The following SUPT20H variants were observed in gnomAD, a reference collection of about 807,000 sequenced individuals.
SUPT20H encodes the protein SPT20 homolog, SAGA complex component.
SUPT20H carries 82 observed loss-of-function variants against 122.8 expected under a neutral mutation model. The observed-to-expected ratio is 0.67, with a 90% CI of 0.56 to 0.80. The LOEUF (loss-of-function observed/expected upper bound fraction) is 0.80, where lower values mean the gene tolerates loss of function less well. Among genes scored for constraint, SUPT20H ranks in the 30% least tolerant of loss-of-function variants. The pLI is 0.00. For synonymous variants in SUPT20H, 291 were observed against 313.0 expected, an observed-to-expected ratio of 0.93 and a Z score of 0.74; for missense variants, 831 against 921.6, an observed-to-expected ratio of 0.90 and a Z score of 1.27.
Position 37,026,829 on chromosome 13 carries a change from A to G in SUPT20H, c.1152-13T>C. 7.0e-7 allele frequency: 1 copy of G among 1,423,584 alleles called. No individual in the cohort carries two copies. The highest frequency in any genetic ancestry group is 9.3e-7 in the Non-Finnish European group (1 of 1,076,122). The allele number at this position is 1,423,584 out of a possible 1,614,324, so 88.2% of individuals were successfully genotyped here. ...ATCTGTGGACGAGCTGAAATATAAA[A>G]TGTAAAAAAAAGCTTAGTTAATGCA... On this transcript the variant is annotated splice_polypyrimidine_tract_variant and intron_variant, in intron 14 of 25. Coordinates refer to ENST00000350612, the MANE Select transcript of SUPT20H (RefSeq NM_001014286.3).
chr13:37,020,597 G>A (rs1163565106), intron 21 of SUPT20H, among the ~76,000 whole-genome samples: 2 of 152,038 alleles, frequency 1.3e-5, no homozygotes, highest in South Asian at 4.1e-4. Context: ...AGGACTTCTC[G>A]CACTAAGGCA....
At chr13:37,050,973 T>C (rs1594534570) in intron 2 of SUPT20H, among the ~76,000 whole-genome samples, 1 of 152,318 alleles carries the variant, frequency 6.6e-6, no homozygotes, top group Non-Finnish European at 1.5e-5. Flanking sequence ...CCTTAGTCTG[T>C]CATTTCTTAA....
In SUPT20H at chr13:37,022,378, AAG is replaced by A; in HGVS notation, c.1592-300_1592-299del. Reference sequence around the variant, plus strand: ...TATAAATGGCCAGTCCTTTTAAAATAAGGTTAATGGAATCTTACTTAGCACTG... The same window carrying A: ...TATAAATGGCCAGTCCTTTTAAAATAGTTAATGGAATCTTACTTAGCACTG... On this transcript the variant is annotated intron_variant, in intron 19 of 25. Transcript: ENST00000350612. The surrounding 1 kb of genome is among the most constrained non-coding windows in gnomAD (Gnocchi z 4.5). 9 of 1,348,482 alleles carry A rather than the reference AAG, an allele frequency of 6.7e-6. No homozygotes were observed. Among genetic ancestry groups the A allele is most frequent in the Non-Finnish European group, 8.6e-6 (9 of 1,050,984 alleles). 83.5% of individuals were successfully genotyped at this position (1,348,482 alleles called of 1,614,324 possible). A position where few individuals can be genotyped will look rare whatever the true frequency, so the allele number is the denominator to read the frequency against.
intron 10 of SUPT20H, among the ~76,000 whole-genome samples, chr13:37,032,127 A>G (rs921752727): frequency 2.0e-5 from 3 of 152,170 alleles, no homozygotes; most frequent in Non-Finnish European, 2.9e-5. Context: ...ATTCACAAGT[A>G]AACAGATAAA....
intron 9 of SUPT20H, among the ~76,000 whole-genome samples, chr13:37,035,297 A>G (rs2064128271): frequency 1.3e-5 from 2 of 152,206 alleles, no homozygotes; most frequent in Non-Finnish European, 2.9e-5. Flanking sequence ...GATTCATGGG[A>G]GGAGGTCAAA....
intron 14 of SUPT20H, among the ~76,000 whole-genome samples, 187 bp downstream of exon 14, chr13:37,027,961 T>C (rs985013730): frequency 2.6e-5 from 4 of 152,170 alleles, no homozygotes; most frequent in Non-Finnish European, 5.9e-5. Context: ...TTAATAACTC[T>C]TGAGCAACAT....
At chr13:37,026,666 A>G (rs1461117715) in intron 15 of SUPT20H, 124 bp downstream of exon 15, 4 of 622,922 alleles carry the variant, frequency 6.4e-6, no homozygotes, top group Non-Finnish European at 1.1e-5. Flanking sequence ...TCCTTAGAAT[A>G]TATTTCAAAC....
chr13:37,016,250 C>T (rs915443653), intron 23 of SUPT20H, among the ~76,000 whole-genome samples: 6 of 151,850 alleles, frequency 4.0e-5, no homozygotes, highest in Non-Finnish European at 8.8e-5. Context: ...CATGGTGAAA[C>T]TCCGTCTCTA....
At chr13:37,032,354 G>T (rs1378868036) in intron 10 of SUPT20H, among the ~76,000 whole-genome samples, 2 of 152,098 alleles carry the variant, frequency 1.3e-5, no homozygotes, top group Non-Finnish European at 1.5e-5. Flanking sequence ...TTTGGGTACA[G>T]GCATGTAAGA....
chr13:37,012,149 T>A (rs780714821), intron 24 of SUPT20H, 43 bp downstream of exon 24: 2 of 1,446,908 alleles, frequency 1.4e-6, no homozygotes, highest in South Asian at 1.2e-5. Flanking sequence ...ATAGATTAGA[T>A]ATGTTTAGTA....
chr13:37,040,590 G>GT lies in SUPT20H; in HGVS notation c.498dup (p.Arg167ThrfsTer10), dbSNP rs2065293445. The GT allele has an allele frequency of 1.2e-6, 2 of 1,613,826 alleles. No homozygotes were observed. The highest frequency in any genetic ancestry group is 1.3e-5 in the African/African-American group (1 of 75,044). On this transcript the variant is annotated frameshift_variant, in exon 8 of 26. Coordinates refer to ENST00000350612, the MANE Select transcript of SUPT20H (RefSeq NM_001014286.3). LOFTEE classifies it high-confidence loss of function. ...AACATCCTTACCTGCATTGTTGGAC[G>GT]TAAGAGAATGTGCCGACTTTGGTAA...
intron 5 of SUPT20H, among the ~76,000 whole-genome samples, chr13:37,045,910 C>T (rs932801833): frequency 2.0e-5 from 3 of 152,002 alleles, no homozygotes; most frequent in Non-Finnish European, 4.4e-5. Context: ...ACGAAGTAAG[C>T]AATTTGGACA....
chr13:37,036,584 T>C (rs2064466131), intron 9 of SUPT20H, among the ~76,000 whole-genome samples: 1 of 152,124 alleles, frequency 6.6e-6, no homozygotes, highest in Non-Finnish European at 1.5e-5. Flanking sequence ...CCTCCCAAAG[T>C]GCTGGAATTA....
intron 22 of SUPT20H, among the ~76,000 whole-genome samples, chr13:37,018,846 ACC>A (rs1308225911): frequency 6.6e-6 from 1 of 151,994 alleles, no homozygotes; most frequent in African/African-American, 2.4e-5. Flanking sequence ...ATGGGGTTTT[ACC>A]ATATTGCTCA....
In SUPT20H at chr13:37,046,443, T is replaced by C. The variant is rs141773259; in HGVS notation, c.166-1070A>G. Reference sequence around the variant, plus strand: ...AAATTTTCTTTCTTAATGGGCCAGATAGTATTTTACGCTTGTGGGCCAAAT... The same window carrying C: ...AAATTTTCTTTCTTAATGGGCCAGACAGTATTTTACGCTTGTGGGCCAAAT... On this transcript the variant is annotated intron_variant, in intron 5 of 25. Coordinates refer to ENST00000350612, the MANE Select transcript of SUPT20H (RefSeq NM_001014286.3). Among the ~76,000 whole-genome samples the C allele has an allele frequency of 1.4e-3, 207 of 152,336 alleles. 1 individual carries two copies. Among genetic ancestry groups the C allele is most frequent in the African/African-American group, 4.6e-3 (193 of 41,592 alleles).
intron 9 of SUPT20H, among the ~76,000 whole-genome samples, chr13:37,034,348 T>C (rs937918700): frequency 3.3e-5 from 5 of 152,146 alleles, no homozygotes; most frequent in African/African-American, 9.7e-5. Context: ...CCAGTGAATA[T>C]CCATAACAGA....
At chr13:37,025,259 A>C in intron 17 of SUPT20H, 61 bp downstream of exon 17, 1 of 1,388,642 alleles carries the variant, frequency 7.2e-7, no homozygotes, top group Non-Finnish European at 1.0e-6. Flanking sequence ...ATGATTCTTA[A>C]CATTTCTCAG....
intron 14 of SUPT20H, 65 bp downstream of exon 14, chr13:37,028,083 T>C (rs1367015652): frequency 3.5e-6 from 5 of 1,413,384 alleles, no homozygotes; most frequent in Non-Finnish European, 4.7e-6. Context: ...TCATCAGTAG[T>C]TACTAGATAA....
rs1195708904 is a variant in SUPT20H at position 37,047,937 on chromosome 13, C to G, written c.40-1G>C. ...TCTGTCGGGCACTTTCAATGACATA[C>G]TAAAAAACAAAAGTTTATGAGAACA... On this transcript the variant is annotated splice_acceptor_variant, in intron 3 of 25. Transcript: ENST00000350612. LOFTEE classifies it high-confidence loss of function. 5.0e-6 allele frequency: 8 copies of G among 1,599,456 alleles called. No individual in the cohort carries two copies. The highest frequency in any genetic ancestry group is 6.8e-6 in the Non-Finnish European group (8 of 1,173,092).
Sources: gnomAD v4.1 joint callset for allele counts (sites outside exome capture counted in the v4.1 genomes callset) on GRCh38, gnomAD v4.1.1 for gene constraint, Gnocchi (gnomAD v3.1) non-coding constraint, MANE v1.5 for transcripts, NCBI Gene and HGNC (gene_info 2026-07-23, HGNC 2026-07-21) for gene names.